ADGRV1: variants seen among roughly 807,000 people sequenced by gnomAD.
ADGRV1 encodes the protein G-protein coupled receptor 98.
In ADGRV1, 359 loss-of-function variants were observed where a neutral mutation model predicts 596.2. That is an observed-to-expected ratio of 0.60 (90% CI 0.55 to 0.66). ADGRV1 has a LOEUF of 0.66. Among genes scored for constraint, ADGRV1 ranks in the 30% least tolerant of loss-of-function variants. The pLI is 0.00. For synonymous variants in ADGRV1, 2,681 were observed against 2,679.2 expected (o/e 1.00, Z -0.02); for missense variants, 7,274 against 7,575.6 (o/e 0.96, Z 1.48).
At chr5:90,598,776 A>C (rs1761036711) in intron 1 of ADGRV1, among the ~76,000 whole-genome samples, 1 of 152,224 alleles carries the variant, frequency 6.6e-6, no homozygotes, top group Non-Finnish European at 1.5e-5. Flanking sequence ...AGTAGGATTT[A>C]ATTTAATTTG....
At chr5:90,809,599 C>T (rs1762255180) in intron 73 of ADGRV1, among the ~76,000 whole-genome samples, 2 of 151,952 alleles carry the variant, frequency 1.3e-5, no homozygotes, top group Admixed American at 6.6e-5. Flanking sequence ...TATATTAAAA[C>T]CAAAAACTTG....
At chr5:90,704,522 A>G (rs1433672711) in intron 36 of ADGRV1, 34 bp downstream of exon 36, 2 of 1,347,910 alleles carry the variant, frequency 1.5e-6, no homozygotes, top group South Asian at 1.4e-5. Context: ...TTTTTTTGGT[A>G]TATTCTTTTC....
At chr5:91,152,313 A>T (rs759638675) in intron 88 of ADGRV1, among the ~76,000 whole-genome samples, 1 of 152,222 alleles carries the variant, frequency 6.6e-6, no homozygotes, top group Non-Finnish European at 1.5e-5. Flanking sequence ...TAATCATTCA[A>T]TCAAAAACAA....
chr5:91,005,366 A>G (rs191867061), intron 85 of ADGRV1, among the ~76,000 whole-genome samples: 1,676 of 147,166 alleles, frequency 0.011, 30 homozygotes, highest in African/African-American at 0.04. Context: ...ATTGCTGTGT[A>G]TATATATATA....
intron 87 of ADGRV1, among the ~76,000 whole-genome samples, chr5:91,103,426 G>C (rs1170729958): frequency 6.7e-6 from 1 of 150,216 alleles, no homozygotes. Context: ...TAGTATGGCA[G>C]GTGCCATGTA....
chr5:91,049,322 G>A (rs1409742716), intron 85 of ADGRV1, among the ~76,000 whole-genome samples: 1 of 152,122 alleles, frequency 6.6e-6, no homozygotes, highest in East Asian at 1.9e-4. Flanking sequence ...GTCAGGCCAA[G>A]TCTCTGTTTA....
Position 90,790,897 on chromosome 5 carries a change from T to C in ADGRV1, c.14068T>C (p.Phe4690Leu). ...GGTTTACTGGGAATTAAGTAGTGAG[T>C]TTGACATTACTGAAGACTTTCTTTC... ...IMVYWELSSE[F>L]DITEDFLSTS... is the part of the protein sequence containing the mutation. The change falls in exon 70 of 90, where the codon TTT becomes CTT. Residue 4690 changes from phenylalanine to leucine, a missense_variant. Around this residue, in one of 5 missense-constraint regions of ADGRV1, gnomAD observed 1,874 missense variants for 1,970.2 expected, o/e 0.95. Transcript: ENST00000405460. The C allele has an allele frequency of 6.2e-7, 1 of 1,610,342 alleles. No individual in the cohort carries two copies. The highest frequency in any genetic ancestry group is 8.5e-7 in the Non-Finnish European group (1 of 1,178,784).
chr5:90,587,902 T>A (rs905873438), intron 1 of ADGRV1, among the ~76,000 whole-genome samples: 2 of 151,538 alleles, frequency 1.3e-5, no homozygotes, highest in African/African-American at 4.9e-5. Context: ...TCCTACAAAA[T>A]GTATAGTTTC....
At chr5:90,863,239 T>G (rs1767775713) in intron 82 of ADGRV1, among the ~76,000 whole-genome samples, 1 of 152,220 alleles carries the variant, frequency 6.6e-6, no homozygotes, top group Admixed American at 6.5e-5. Flanking sequence ...GGATTAGTGC[T>G]AAGGTTCTAA....
rs780750634 is a variant in ADGRV1 at position 90,617,816 on chromosome 5, G to A, written c.220G>A (p.Asp74Asn). 39 of 1,595,584 alleles carry A rather than the reference G, an allele frequency of 2.4e-5. No individual in the cohort carries two copies. The highest frequency in any genetic ancestry group is 3.2e-5 in the Non-Finnish European group (37 of 1,170,116). The change falls in exon 3 of 90, where the codon GAC (aspartate) becomes AAC (asparagine). Residue 74 changes from aspartate (D) to asparagine (N), a missense_variant. Asp to Asn is a conservative substitution (Grantham distance 23, BLOSUM62 1). Around this residue, in one of 5 missense-constraint regions of ADGRV1, gnomAD observed 1,715 missense variants for 1,708.8 expected, o/e 1.00. Coordinates refer to ENST00000405460, the MANE Select transcript of ADGRV1 (RefSeq NM_032119.4). ...VTAIVSLYGE[D>N]AGDFFDTYAA... ...TTGCATTTGATAGCTGTATGGAGAG[G>A]ACGCTGGTGACTTTTTTGACACATA...
chr5:90,558,967 G>A, intron 1 of ADGRV1, 50 bp downstream of exon 1: 1 of 1,517,804 alleles, frequency 6.6e-7, no homozygotes, highest in Non-Finnish European at 8.9e-7. Flanking sequence ...AGCCCCAGGG[G>A]AGCGCCTCAG....
At chr5:90,901,217 G>A (rs1354585972) in intron 83 of ADGRV1, among the ~76,000 whole-genome samples, 3 of 152,084 alleles carry the variant, frequency 2.0e-5, no homozygotes, top group Non-Finnish European at 4.4e-5. Flanking sequence ...GATTTAAATA[G>A]GATAAAGACA....
chr5:90,636,160 C>G (rs1348638073), intron 10 of ADGRV1, among the ~76,000 whole-genome samples: 1 of 149,358 alleles, frequency 6.7e-6, no homozygotes, highest in Non-Finnish European at 1.5e-5. Flanking sequence ...CCTCCCCTTG[C>G]CCCCACCCCG....
At chr5:90,592,130 A>T (rs1759583851) in intron 1 of ADGRV1, among the ~76,000 whole-genome samples, 1 of 152,252 alleles carries the variant, frequency 6.6e-6, no homozygotes, top group African/African-American at 2.4e-5. Context: ...ACCCAGAGGA[A>T]AAGAAGTCAT....
intron 86 of ADGRV1, among the ~76,000 whole-genome samples, chr5:91,074,658 A>T (rs1788690203): frequency 6.6e-6 from 1 of 152,238 alleles, no homozygotes; most frequent in Non-Finnish European, 1.5e-5. Context: ...TCTTCATGGT[A>T]GAACAATTTC....
chr5:90,997,596 T>C (rs184921588), intron 85 of ADGRV1, among the ~76,000 whole-genome samples: 133 of 152,284 alleles, frequency 8.7e-4, no homozygotes, highest in Admixed American at 1.8e-3. Flanking sequence ...AATACCCAGG[T>C]ACTGAAATAC....
At chr5:90,985,279 A>C in intron 84 of ADGRV1, 65 bp from the exon 85 acceptor site, 1 of 1,207,886 alleles carries the variant, frequency 8.3e-7, no homozygotes, top group Admixed American at 2.5e-5. Flanking sequence ...TGCCTAAGCC[A>C]GTAGAGTTTG....
chr5:90,685,924 T>C lies in ADGRV1; in HGVS notation c.6419T>C (p.Val2140Ala), dbSNP rs759037597. Residue 2140 changes from valine (V) to alanine (A), a missense_variant, in exon 29 of 90, where the codon GTG (valine) becomes GCG (alanine). Physicochemically the swap from Val to Ala is moderately conservative, Grantham distance 64. This residue lies in a region of ADGRV1 where 3,643 missense variants were observed against 3,809.2 expected (regional missense o/e 0.96). Transcript: ENST00000405460. ...AENHVGPIINVTRTGGAFADV... is the reference protein window; with the variant it reads ...AENHVGPIINATRTGGAFADV... ...AATCATGTTGGACCCATTATCAATG[T>C]GACTAGAACAGGAGGAGCATTTGCA... is the stretch of plus-strand genomic sequence containing the variant. 1 of 1,610,382 alleles carries C rather than the reference T, an allele frequency of 6.2e-7. No individual in the cohort carries two copies. Among genetic ancestry groups the C allele is most frequent in the Non-Finnish European group, 8.5e-7 (1 of 1,177,646 alleles).
chr5:90,635,891 G>A (rs1365172497), intron 10 of ADGRV1, among the ~76,000 whole-genome samples: 1 of 150,148 alleles, frequency 6.7e-6, no homozygotes, highest in Non-Finnish European at 1.5e-5. Flanking sequence ...CATTGTGCCT[G>A]GCCTATAAAC....
Sources: allele counts gnomAD v4.1 joint callset (sites outside exome capture counted in the v4.1 genomes callset), GRCh38; gene constraint gnomAD v4.1.1; regional missense constraint gnomAD v4.1.1; transcripts MANE v1.5; gene names NCBI Gene and HGNC (gene_info 2026-07-23, HGNC 2026-07-21).